The following ZFHX3 variants were observed in gnomAD, a reference collection of about 807,000 sequenced individuals.
The protein encoded by ZFHX3 is zinc finger homeobox 3, also known as zinc finger homeobox protein 3.
In ZFHX3, 42 loss-of-function variants were observed where a neutral mutation model predicts 279.1. The observed-to-expected ratio is 0.15, with a 90% confidence interval of 0.12 to 0.19. ZFHX3 has a LOEUF of 0.19. ZFHX3 is among the 10% of genes least tolerant of loss of function. The pLI, the probability that ZFHX3 is intolerant of heterozygous loss-of-function variation, is 1.00. For synonymous variants in ZFHX3, 2,293 were observed against 1,957.8 expected, an observed-to-expected ratio of 1.17 and a Z score of -4.52; for missense variants, 4,981 against 4,754.0, an observed-to-expected ratio of 1.05 and a Z score of -1.40.
At chr16:73,866,485 G>T (rs1214369734) in intron 1 of ZFHX3, among the ~76,000 whole-genome samples, 3 of 151,858 alleles carry the variant, frequency 2.0e-5, no homozygotes, top group Non-Finnish European at 4.4e-5. Context: ...CTCCAAACAA[G>T]ACAAATGCCC....
chr16:73,765,072 C>A (rs572732274), intron 1 of ZFHX3, among the ~76,000 whole-genome samples: 1 of 152,322 alleles, frequency 6.6e-6, no homozygotes, highest in Non-Finnish European at 1.5e-5. Flanking sequence ...AAATGTCTGC[C>A]TTTCGTTTCC....
At chr16:73,476,195 T>G (rs1002271198) in intron 2 of ZFHX3, among the ~76,000 whole-genome samples, 1 of 152,106 alleles carries the variant, frequency 6.6e-6, no homozygotes, top group African/African-American at 2.4e-5. Flanking sequence ...TCTATTCTTT[T>G]GAGATTTTGA....
chr16:73,206,867 A>G (rs942973837), intron 5 of ZFHX3, among the ~76,000 whole-genome samples: 4 of 151,720 alleles, frequency 2.6e-5, no homozygotes, highest in Admixed American at 2.6e-4. Flanking sequence ...AAAATATTAA[A>G]ATTATCCGGG....
intron 2 of ZFHX3, among the ~76,000 whole-genome samples, chr16:73,629,468 A>G (rs917985252): frequency 6.6e-6 from 1 of 152,132 alleles, no homozygotes; most frequent in African/African-American, 2.4e-5. Flanking sequence ...TCGAAATTTC[A>G]TTTATGATAT....
intron 2 of ZFHX3, 73 bp from the exon 3 acceptor site, chr16:72,951,038 G>A (rs1960972850): frequency 1.3e-6 from 2 of 1,549,554 alleles, no homozygotes; most frequent in Admixed American, 1.8e-5. Context: ...GCACCCCCCA[G>A]CCCTCCGCCA....
intron 2 of ZFHX3, among the ~76,000 whole-genome samples, chr16:73,560,511 T>C (rs2020353875): frequency 6.6e-6 from 1 of 152,122 alleles, no homozygotes; most frequent in South Asian, 2.1e-4. Context: ...TATTACCCCA[T>C]CAAGTTGGTA....
intron 5 of ZFHX3, among the ~76,000 whole-genome samples, chr16:73,185,935 C>T (rs1967898202): frequency 6.6e-6 from 1 of 152,130 alleles, no homozygotes; most frequent in Non-Finnish European, 1.5e-5. Context: ...CCTCTCATTA[C>T]CACCTTAGCT....
chr16:73,056,433 C>T (rs906716565), intron 1 of ZFHX3, among the ~76,000 whole-genome samples: 1 of 152,054 alleles, frequency 6.6e-6, no homozygotes, highest in Non-Finnish European at 1.5e-5. Flanking sequence ...CCCCCAAGTG[C>T]CCATTCAAGA....
intron 3 of ZFHX3, among the ~76,000 whole-genome samples, chr16:73,323,679 T>C (rs776208533): frequency 1.1e-4 from 16 of 151,874 alleles, no homozygotes; most frequent in Non-Finnish European, 2.2e-4. Context: ...GAACAGCAGA[T>C]AGGAAGGGGC....
At chr16:73,739,517 G>A (rs569438242) in intron 1 of ZFHX3, among the ~76,000 whole-genome samples, 1 of 152,264 alleles carries the variant, frequency 6.6e-6, no homozygotes, top group South Asian at 2.1e-4. Context: ...CCCAAATTGA[G>A]AACTGATGCT....
chr16:73,153,393 G>A (rs1229951478), intron 5 of ZFHX3, among the ~76,000 whole-genome samples: 17 of 152,136 alleles, frequency 1.1e-4, no homozygotes, highest in Admixed American at 1.0e-3. Flanking sequence ...CCAAAGTGCT[G>A]GGATTACAGC....
intron 2 of ZFHX3, among the ~76,000 whole-genome samples, chr16:73,566,676 A>G (rs113367904): frequency 1.8e-3 from 254 of 144,620 alleles, no homozygotes; most frequent in Non-Finnish European, 3.1e-3. Context: ...GCAGACCATC[A>G]CACCAAGCTA....
intron 3 of ZFHX3, among the ~76,000 whole-genome samples, chr16:73,443,710 T>C (rs1314011733): frequency 6.6e-6 from 1 of 152,126 alleles, no homozygotes; most frequent in Admixed American, 6.5e-5. Flanking sequence ...TTCAAAAATA[T>C]CCACATAAAA....
chr16:73,785,916 G>A (rs1959629156), intron 1 of ZFHX3, among the ~76,000 whole-genome samples: 1 of 151,840 alleles, frequency 6.6e-6, no homozygotes, highest in Non-Finnish European at 1.5e-5. Context: ...TGTTTCCCAG[G>A]CTGGAGTGCA....
At chr16:73,251,041 T>C (rs950152143) in intron 5 of ZFHX3, among the ~76,000 whole-genome samples, 3 of 152,202 alleles carry the variant, frequency 2.0e-5, no homozygotes, top group African/African-American at 4.8e-5. Flanking sequence ...GTCAGAAGAA[T>C]TTATTTTCTT....
At chr16:73,503,713 G>T (rs1346189117) in intron 2 of ZFHX3, among the ~76,000 whole-genome samples, 1 of 152,176 alleles carries the variant, frequency 6.6e-6, no homozygotes, top group Non-Finnish European at 1.5e-5. Context: ...AAAACATTTC[G>T]TCAGAGAAAC....
intron 8 of ZFHX3, among the ~76,000 whole-genome samples, chr16:73,071,777 GTTTATTTA>G (rs547404054): frequency 3.6e-4 from 55 of 152,380 alleles, no homozygotes; most frequent in African/African-American, 1.3e-3. Flanking sequence ...GCCTCAAAGT[GTTTATTTA>G]TTCTCACAGA....
intron 1 of ZFHX3, among the ~76,000 whole-genome samples, chr16:73,685,787 C>T (rs1365589478): frequency 6.6e-6 from 1 of 152,160 alleles, no homozygotes; most frequent in Non-Finnish European, 1.5e-5. Flanking sequence ...CTTGAGCAGG[C>T]TGAGAGCAAA....
chr16:72,795,376 G>C lies in ZFHX3; in HGVS notation c.7306C>G (p.Pro2436Ala). ...GDEKPKLAEA[P>A]SAQPNQTQEK... ...TGGGTTTGGTTTGGCTGTGCACTGG[G>C]AGCTTCCGCCAGCTTTGGTTTCTCA... Residue 2436 changes from proline (P) to alanine (A), a missense_variant, in exon 9 of 10, where the codon CCC (proline) becomes GCC (alanine). Around this residue, in one of 7 missense-constraint regions of ZFHX3, gnomAD observed 744 missense variants for 701.3 expected, o/e 1.06. Coordinates refer to ENST00000268489, the MANE Select transcript of ZFHX3 (RefSeq NM_006885.4). 1 of 1,614,126 alleles carries C rather than the reference G, an allele frequency of 6.2e-7. No individual in the cohort carries two copies. The highest frequency in any genetic ancestry group is 8.5e-7 in the Non-Finnish European group (1 of 1,180,026).
Sources: allele counts gnomAD v4.1 joint callset (sites outside exome capture counted in the v4.1 genomes callset), GRCh38; gene constraint gnomAD v4.1.1; regional missense constraint gnomAD v4.1.1; transcripts MANE v1.5; gene names NCBI Gene and HGNC (gene_info 2026-07-23, HGNC 2026-07-21).